The following LCLAT1 variants were observed in gnomAD, a reference collection of about 807,000 sequenced individuals.
LCLAT1 encodes lysocardiolipin acyltransferase 1.
Under a neutral mutation model 30.7 loss-of-function variants are expected in LCLAT1, and 11 were observed. The ratio of observed to expected loss-of-function variants is 0.36; its 90% CI spans 0.23 to 0.59. The LOEUF (loss-of-function observed/expected upper bound fraction) is 0.59, where lower values mean the gene tolerates loss of function less well. Ranked by LOEUF, LCLAT1 falls within the 20% of genes least tolerant of loss-of-function variation. LCLAT1 has a pLI of 0.77. For synonymous variants in LCLAT1, 155 were observed against 151.3 expected (o/e 1.02, Z -0.18); for missense variants, 402 against 458.6 (o/e 0.88, Z 1.13).
At chr2:30,517,878 C>T (rs994680386) in intron 1 of LCLAT1, among the ~76,000 whole-genome samples, 5 of 152,036 alleles carry the variant, frequency 3.3e-5, no homozygotes, top group African/African-American at 1.2e-4. Context: ...TCTCCGTGAC[C>T]CTGTAACACT....
intron 1 of LCLAT1, among the ~76,000 whole-genome samples, chr2:30,508,484 T>A (rs997793216): frequency 2.0e-5 from 3 of 151,266 alleles, no homozygotes; most frequent in Non-Finnish European, 4.5e-5. Flanking sequence ...TCAGTCTTCT[T>A]CTAGAACCAT....
intron 5 of LCLAT1, among the ~76,000 whole-genome samples, chr2:30,624,757 G>A (rs35847435): frequency 0.019 from 2,851 of 152,186 alleles, 47 homozygotes; most frequent in South Asian, 0.035. Flanking sequence ...TTATACCCTA[G>A]AACAAATGGA....
At chr2:30,621,248 G>A (rs1266902648) in intron 5 of LCLAT1, among the ~76,000 whole-genome samples, 1 of 152,120 alleles carries the variant, frequency 6.6e-6, no homozygotes, top group African/African-American at 2.4e-5. Flanking sequence ...CTACTACAAT[G>A]AATGTTTTGA....
intron 5 of LCLAT1, among the ~76,000 whole-genome samples, chr2:30,595,847 C>G (rs1354840121): frequency 6.6e-6 from 1 of 152,066 alleles, no homozygotes; most frequent in Non-Finnish European, 1.5e-5. Flanking sequence ...CTAACTATGT[C>G]CATATGTTCT....
At chr2:30,524,978 T>C (rs895552298) in intron 1 of LCLAT1, among the ~76,000 whole-genome samples, 1 of 152,020 alleles carries the variant, frequency 6.6e-6, no homozygotes, top group Non-Finnish European at 1.5e-5. Flanking sequence ...GAAAAAACTC[T>C]GGAATATTTT....
intron 5 of LCLAT1, among the ~76,000 whole-genome samples, chr2:30,615,275 C>T (rs773649004): frequency 5.3e-5 from 8 of 151,904 alleles, no homozygotes; most frequent in African/African-American, 1.5e-4. Context: ...TAAATACATG[C>T]GTGGACAGAT....
chr2:30,452,429 A>G (rs1175128417), intron 1 of LCLAT1, among the ~76,000 whole-genome samples: 2 of 152,100 alleles, frequency 1.3e-5, no homozygotes, highest in Admixed American at 1.3e-4. Flanking sequence ...TTGTTTTGCA[A>G]AAGGCAAATG....
At chr2:30,496,718 G>A (rs188910717) in intron 1 of LCLAT1, among the ~76,000 whole-genome samples, 10 of 152,184 alleles carry the variant, frequency 6.6e-5, no homozygotes, top group Admixed American at 6.5e-4. Flanking sequence ...AAGATATTAT[G>A]GTCCTATTTT....
intron 1 of LCLAT1, among the ~76,000 whole-genome samples, chr2:30,464,519 A>C (rs1344068344): frequency 6.6e-6 from 1 of 152,236 alleles, no homozygotes; most frequent in Non-Finnish European, 1.5e-5. Context: ...AAATCTTGCC[A>C]ACAAAAAGAC....
intron 5 of LCLAT1, among the ~76,000 whole-genome samples, chr2:30,579,960 T>C (rs543123810): frequency 1.1e-4 from 17 of 152,250 alleles, no homozygotes; most frequent in Admixed American, 2.6e-4. Flanking sequence ...CAAAATAGTA[T>C]CTTATTTTGA....
intron 5 of LCLAT1, among the ~76,000 whole-genome samples, chr2:30,624,227 GGCAACAACTA>G (rs1668401127): frequency 6.6e-6 from 1 of 152,094 alleles, no homozygotes; most frequent in African/African-American, 2.4e-5. Flanking sequence ...AAGGTATTCA[GGCAACAACTA>G]GCACAATGAA....
chr2:30,596,297 G>A (rs921640813), intron 5 of LCLAT1, among the ~76,000 whole-genome samples: 2 of 152,048 alleles, frequency 1.3e-5, no homozygotes, highest in Admixed American at 1.3e-4. Flanking sequence ...AGCCTTGCCA[G>A]CATCTGTTGT....
chr2:30,639,677 T>C (rs1320440573), intron 5 of LCLAT1, among the ~76,000 whole-genome samples: 1 of 152,174 alleles, frequency 6.6e-6, no homozygotes, highest in Non-Finnish European at 1.5e-5. Flanking sequence ...TAAGTTTTTC[T>C]TTTCAGTAGC....
At position 30,644,045 on chromosome 2, in the gene LCLAT1, C is replaced by G. The variant is rs2148546159; in HGVS notation, c.*3426C>G. On this transcript the variant is annotated 3_prime_UTR_variant, in exon 6 of 6. Transcript: ENST00000379509. ...TTATCCTGTACCTGCATTAAATTTT[C>G]ATTTTAGAAGAGAATCTTGGTTTTG... 1 of 152,106 alleles carries G rather than the reference C, an allele frequency of 6.6e-6. No homozygotes were observed. Among genetic ancestry groups the G allele is most frequent in the East Asian group, 1.9e-4 (1 of 5,182 alleles). The allele number at this position is 152,106 out of a possible 1,614,324, so 9.4% of individuals were successfully genotyped here.
At chr2:30,548,959 C>T (rs1319167754) in intron 3 of LCLAT1, among the ~76,000 whole-genome samples, 2 of 152,148 alleles carry the variant, frequency 1.3e-5, no homozygotes, top group Admixed American at 1.3e-4. Context: ...TTAGCCTTTA[C>T]TTTCTTCCAT....
intron 1 of LCLAT1, among the ~76,000 whole-genome samples, chr2:30,515,498 G>T (rs919571075): frequency 6.6e-6 from 1 of 152,164 alleles, no homozygotes; most frequent in Non-Finnish European, 1.5e-5. Context: ...ACTGTCATAT[G>T]TTAACTTAAA....
intron 5 of LCLAT1, among the ~76,000 whole-genome samples, chr2:30,604,836 A>C (rs1667357413): frequency 6.6e-6 from 1 of 152,206 alleles, no homozygotes; most frequent in Non-Finnish European, 1.5e-5. Context: ...CAAACTAAGG[A>C]GTGGGAGTCC....
At chr2:30,572,198 C>T (rs931049839) in intron 5 of LCLAT1, among the ~76,000 whole-genome samples, 11 of 152,082 alleles carry the variant, frequency 7.2e-5, no homozygotes, top group African/African-American at 9.7e-5. Context: ...TTCCCTCCAG[C>T]GAAAAATCTG....
chr2:30,496,615 A>G (rs1210367689), intron 1 of LCLAT1, among the ~76,000 whole-genome samples: 1 of 152,228 alleles, frequency 6.6e-6, no homozygotes, highest in East Asian at 1.9e-4. Context: ...TGAGAGTGTA[A>G]TGGAAAGTGA....
Sources: gnomAD v4.1 joint callset for allele counts (sites outside exome capture counted in the v4.1 genomes callset) on GRCh38, gnomAD v4.1.1 for gene constraint, MANE v1.5 for transcripts, NCBI Gene and HGNC (gene_info 2026-07-23, HGNC 2026-07-21) for gene names.